The following CLEC4A variants were observed in gnomAD, a reference collection of about 807,000 sequenced individuals.
CLEC4A encodes C-type (calcium dependent, carbohydrate-recognition domain) lectin, superfamily member 6.
In CLEC4A, 27 loss-of-function variants were observed where a neutral mutation model predicts 32.7. The ratio of observed to expected loss-of-function variants is 0.83; its 90% CI spans 0.61 to 1.14. The LOEUF is 1.14. Among genes scored for constraint, CLEC4A ranks in the 50% most tolerant of loss-of-function variants. The probability of loss-of-function intolerance (pLI) is 0.00; values close to 1 mark genes in which losing one functional copy is unlikely to be tolerated. For synonymous variants in CLEC4A, 89 were observed against 93.7 expected (o/e 0.95, Z 0.29); for missense variants, 253 against 274.6 (o/e 0.92, Z 0.55).
At chr12:8,105,351 C>CTT in the CLEC4A span, among the ~76,000 whole-genome samples, 6 of 136,206 alleles carry the variant, frequency 4.4e-5, no homozygotes, top group Non-Finnish European at 4.8e-5. Context: ...TTTTTCTTTT[C>CTT]TTTTTTTTTT....
At chr12:8,105,126 A>G in the CLEC4A span, among the ~76,000 whole-genome samples, 2 of 152,130 alleles carry the variant, frequency 1.3e-5, no homozygotes, top group Non-Finnish European at 2.9e-5. Context: ...GTTGAATGGT[A>G]GTTCTAAGTT....
At chr12:8,131,090 G>A (rs2120600205) in intron 3 of CLEC4A, among the ~76,000 whole-genome samples, 1 of 152,296 alleles carries the variant, frequency 6.6e-6, no homozygotes, top group East Asian at 1.9e-4. Flanking sequence ...CTAATAATTA[G>A]ACTGGGATTA....
intron 3 of CLEC4A, chr12:8,133,875 T>C: frequency 6.3e-7 from 1 of 1,584,294 alleles, no homozygotes. Context: ...AAGTGAGGGC[T>C]CCCATAGCCT....
chr12:8,117,703 A>G, the CLEC4A span, among the ~76,000 whole-genome samples: 1 of 152,138 alleles, frequency 6.6e-6, no homozygotes, highest in African/African-American at 2.4e-5. Flanking sequence ...TGGATAATAA[A>G]TCTCAAGTTT....
Position 8,135,631 on chromosome 12 carries a change from C to T in CLEC4A, c.345C>T (p.Ser115=), listed in dbSNP as rs1161341473. 1.2e-6 allele frequency: 2 copies of T among 1,614,186 alleles called. No individual in the cohort carries two copies. Among genetic ancestry groups the T allele is most frequent in the Admixed American group, 1.7e-5 (1 of 60,022 alleles). The part of the protein sequence containing the change: ...CCPKNWKSFS[S]NCYFISTESA... ...CAAAGAATTGGAAGTCATTTAGTTC[C>T]AACTGCTACTTTATTTCTACTGAAT... Residue 115 remains serine, a synonymous_variant, in exon 4 of 6, where the codon TCC becomes TCT. Coordinates refer to ENST00000229332, the MANE Select transcript of CLEC4A (RefSeq NM_016184.4).
At chr12:8,134,357 G>A (rs775352320) in intron 3 of CLEC4A, 26 of 1,612,508 alleles carry the variant, frequency 1.6e-5, no homozygotes, top group South Asian at 6.6e-5. Flanking sequence ...GAGCCACATC[G>A]GCCTGTGTAT....
chr12:8,130,506 G>T (rs981202487), intron 3 of CLEC4A, among the ~76,000 whole-genome samples: 1 of 151,864 alleles, frequency 6.6e-6, no homozygotes, highest in South Asian at 2.1e-4. Flanking sequence ...CCAGTAGCTG[G>T]GATCAAAGGT....
intron 3 of CLEC4A, chr12:8,134,075 A>T: frequency 6.3e-7 from 1 of 1,589,988 alleles, no homozygotes; most frequent in Non-Finnish European, 8.6e-7. Flanking sequence ...GATGTGGCTG[A>T]TCTGCTGCAG....
the CLEC4A span, among the ~76,000 whole-genome samples, chr12:8,116,060 A>G: frequency 6.6e-6 from 1 of 152,104 alleles, no homozygotes; most frequent in East Asian, 1.9e-4. Flanking sequence ...TCCCAGGCTC[A>G]AGCGATTCTT....
At position 8,138,315 on chromosome 12, in the gene CLEC4A, T is replaced by C. The variant is rs59105838; in HGVS notation, c.*28T>C. 690 of 1,613,364 alleles carry C rather than the reference T, an allele frequency of 4.3e-4. 3 individuals are homozygous for C. In the African/African-American group the frequency reaches 8.3e-3, roughly 19 times the overall value. On this transcript the variant is annotated 3_prime_UTR_variant, in exon 6 of 6. Transcript: ENST00000229332. ...TGAACATTCTCCATGAACAGGTGGT[T>C]GGATTGGTATCTGTCATTGTAGGGA...
the CLEC4A span, among the ~76,000 whole-genome samples, chr12:8,103,386 T>G: frequency 8.7e-6 from 1 of 114,798 alleles, no homozygotes; most frequent in Non-Finnish European, 1.8e-5. Context: ...GTTTTTTTTT[T>G]TTTTTTTTTT....
the CLEC4A span, among the ~76,000 whole-genome samples, chr12:8,108,913 C>T: frequency 6.6e-6 from 1 of 152,056 alleles, no homozygotes; most frequent in Non-Finnish European, 1.5e-5. Context: ...TTGTATTCTG[C>T]CAACGTACCT....
At chr12:8,115,974 A>T in the CLEC4A span, among the ~76,000 whole-genome samples, 2 of 151,592 alleles carry the variant, frequency 1.3e-5, no homozygotes, top group South Asian at 2.1e-4. Context: ...CTATATATAT[A>T]TTTTTTGAGA....
chr12:8,132,219 T>G (rs1235759774), intron 3 of CLEC4A, among the ~76,000 whole-genome samples: 4 of 152,222 alleles, frequency 2.6e-5, no homozygotes, highest in African/African-American at 9.6e-5. Context: ...TTTCTGGGAC[T>G]GCAAAATGCT....
At chr12:8,131,824 C>A (rs368871695) in intron 3 of CLEC4A, among the ~76,000 whole-genome samples, 4 of 148,058 alleles carry the variant, frequency 2.7e-5, no homozygotes, top group South Asian at 2.1e-4. Flanking sequence ...ATATATATAT[C>A]TATATATATA....
rs1406710086 is a variant in CLEC4A, at chr12:8,136,170, T to C, written c.450+434T>C. ...GTTATGAAAGGAAAATGACTGAATC[T>C]GCCAAAATTTTCTCATGTACAACTT... On this transcript the variant is annotated intron_variant, in intron 4 of 5. Coordinates refer to ENST00000229332, the MANE Select transcript of CLEC4A (RefSeq NM_016184.4). Among the ~76,000 whole-genome samples the C allele has an allele frequency of 2.6e-5, 4 of 152,226 alleles. No homozygotes were observed. The East Asian group carries it at 7.7e-4, about 29-fold the overall frequency.
Position 8,134,587 on chromosome 12 carries a change from C to T in CLEC4A, c.299-998C>T, listed in dbSNP as rs754207423. ...CCCTCAGGCTGAGAGGTCTCCAAGC[C>T]GTCTTGGGGCACTAGCCCCACTCCA... is the stretch of plus-strand genomic sequence containing the variant. On this transcript the variant is annotated intron_variant, in intron 3 of 5. Coordinates refer to ENST00000229332, the MANE Select transcript of CLEC4A (RefSeq NM_016184.4). The T allele has an allele frequency of 8.7e-6, 14 of 1,612,984 alleles. 1 individual carries two copies. The Middle Eastern group carries it at 6.8e-4, about 78-fold the overall frequency.
intron 3 of CLEC4A, among the ~76,000 whole-genome samples, chr12:8,129,984 C>T (rs968485436): frequency 7.2e-5 from 11 of 152,018 alleles, no homozygotes; most frequent in East Asian, 1.9e-4. Flanking sequence ...TACAAGCACA[C>T]GCCACTACAC....
At chr12:8,136,099 A>T (rs1432327304) in intron 4 of CLEC4A, among the ~76,000 whole-genome samples, 1 of 152,270 alleles carries the variant, frequency 6.6e-6, no homozygotes, top group African/African-American at 2.4e-5. Context: ...TTAACTCATG[A>T]TGAATCACAA....
Sources: allele counts gnomAD v4.1 joint callset (sites outside exome capture counted in the v4.1 genomes callset), GRCh38; gene constraint gnomAD v4.1.1; transcripts MANE v1.5; gene names NCBI Gene and HGNC (gene_info 2026-07-23, HGNC 2026-07-21).